Variants in ASTN1 observed in about 807,000 individuals in gnomAD.
ASTN1 encodes astrotactin 1.
ASTN1 carries 41 observed loss-of-function variants against 140.7 expected under a neutral mutation model. That is an observed-to-expected ratio of 0.29 (90% confidence interval 0.23 to 0.38). The LOEUF is 0.38. Among genes scored for constraint, ASTN1 ranks in the 10% least tolerant of loss-of-function variants. The pLI, the probability that ASTN1 is intolerant of heterozygous loss-of-function variation, is 1.00. For synonymous variants in ASTN1, 640 were observed against 652.2 expected (o/e 0.98, Z 0.29); for missense variants, 1,479 against 1,678.8 (o/e 0.88, Z 2.08).
Position 176,993,731 on chromosome 1 carries a change from A to G in ASTN1, c.1523+21060T>C, listed in dbSNP as rs1182521961. Reference sequence around the variant, plus strand: ...TATGGGGTAATTTCAGGACTATTCTATTTTCTTCTACTATGTATATCTAAA... The same window carrying G: ...TATGGGGTAATTTCAGGACTATTCTGTTTTCTTCTACTATGTATATCTAAA... On this transcript the variant is annotated intron_variant, in intron 8 of 22. Transcript: ENST00000361833. 3.3e-5 allele frequency among the ~76,000 whole-genome samples: 5 copies of G among 152,112 alleles called. No homozygotes were observed. The East Asian group carries it at 5.8e-4, about 18-fold the overall frequency.
chr1:176,897,927 C>T (rs1026767599), intron 16 of ASTN1, among the ~76,000 whole-genome samples: 4 of 152,156 alleles, frequency 2.6e-5, no homozygotes, highest in South Asian at 2.1e-4. Flanking sequence ...CCCCTCCTCT[C>T]ATTACTAAGC....
In ASTN1 at chr1:176,974,828, C is replaced by T. The variant is rs34742592; in HGVS notation, c.1524-9591G>A. Among the ~76,000 whole-genome samples the T allele has an allele frequency of 4.4e-3, 668 of 152,348 alleles. 3 individuals carry two copies. The highest frequency in any genetic ancestry group is 5.4e-3 in the Non-Finnish European group (366 of 68,030). On this transcript the variant is annotated intron_variant, in intron 8 of 22. Coordinates refer to ENST00000361833, the MANE Select transcript of ASTN1 (RefSeq NM_004319.3). ...CAATAAAGACAAATACACATATACA[C>T]ACATGTAAACATAAATGTAGTGTTC...
intron 2 of ASTN1, among the ~76,000 whole-genome samples, chr1:177,033,960 C>A (rs1028899537): frequency 6.6e-6 from 1 of 152,064 alleles, no homozygotes; most frequent in Non-Finnish European, 1.5e-5. Context: ...TTATTTTGGT[C>A]AATATCTTTC....
At chr1:177,119,613 C>T (rs911607997) in intron 1 of ASTN1, among the ~76,000 whole-genome samples, 4 of 152,162 alleles carry the variant, frequency 2.6e-5, no homozygotes, top group African/African-American at 9.7e-5. Context: ...TCTCAAACCT[C>T]TCATCCTTCA....
chr1:176,858,520 T>C (rs1350826989), downstream of ASTN1, among the ~76,000 whole-genome samples: 1 of 152,104 alleles, frequency 6.6e-6, no homozygotes, highest in Admixed American at 6.5e-5. Flanking sequence ...AAACAGAGAC[T>C]GGCACAAAAA....
In ASTN1 at chr1:176,861,293, T is replaced by C. The variant is rs1324265299; in HGVS notation, c.*2991A>G. 8.1e-6 allele frequency: 8 copies of C among 985,676 alleles called. No individual in the cohort carries two copies. The African/African-American group carries it at 1.4e-4, about 17-fold the overall frequency. 61.1% of individuals were successfully genotyped at this position (985,676 alleles called of 1,614,324 possible). ...AAAATAATGAACGGACCAAACTCCA[T>C]GGAAAACGATTGCACACTCAATTAA... On this transcript the variant is annotated 3_prime_UTR_variant, in exon 23 of 23. Transcript: ENST00000361833.
chr1:177,051,117 C>T (rs748132755), intron 2 of ASTN1, among the ~76,000 whole-genome samples: 3 of 152,188 alleles, frequency 2.0e-5, no homozygotes, highest in Non-Finnish European at 4.4e-5. Flanking sequence ...TTGTGAATAC[C>T]ACATGTCTTG....
intron 17 of ASTN1, among the ~76,000 whole-genome samples, chr1:176,891,858 A>C (rs904932080): frequency 3.3e-5 from 5 of 152,228 alleles, no homozygotes; most frequent in South Asian, 2.1e-4. Flanking sequence ...AATAAAAAAA[A>C]CAAAAAGATG....
At chr1:177,084,070 A>G (rs550611886) in intron 1 of ASTN1, among the ~76,000 whole-genome samples, 177 of 152,274 alleles carry the variant, frequency 1.2e-3, no homozygotes, top group African/African-American at 4.1e-3. Flanking sequence ...TCCTTATAAT[A>G]TCTGCAAATA....
chr1:176,868,718 A>C (rs1041159872), intron 22 of ASTN1, 126 bp downstream of exon 22: 4 of 1,037,364 alleles, frequency 3.9e-6, no homozygotes, highest in Non-Finnish European at 4.1e-6. Context: ...AAATCAGAGG[A>C]CTGACTTCTC....
intron 8 of ASTN1, among the ~76,000 whole-genome samples, chr1:176,997,188 A>G (rs1157830095): frequency 6.6e-6 from 1 of 152,122 alleles, no homozygotes; most frequent in Non-Finnish European, 1.5e-5. Context: ...AGGCACTCTC[A>G]CTTTCCATAA....
At chr1:176,965,373 A>C (rs766648404) in intron 8 of ASTN1, 136 bp from the exon 9 acceptor site, 18 of 698,188 alleles carry the variant, frequency 2.6e-5, no homozygotes, top group Non-Finnish European at 4.4e-5. Flanking sequence ...GAAGCTCACT[A>C]ATATGAGCTC....
At chr1:176,997,480 C>T (rs1323808004) in intron 8 of ASTN1, among the ~76,000 whole-genome samples, 4 of 152,026 alleles carry the variant, frequency 2.6e-5, no homozygotes, top group East Asian at 3.9e-4. Flanking sequence ...GTGTCTGACA[C>T]AGAGGATATC....
intron 8 of ASTN1, among the ~76,000 whole-genome samples, chr1:176,973,162 T>C (rs1673214332): frequency 1.3e-5 from 2 of 152,160 alleles, no homozygotes. Context: ...AACCCCTCCC[T>C]GGTCTCAATT....
chr1:177,005,013 A>G (rs541585490), intron 8 of ASTN1, among the ~76,000 whole-genome samples: 20 of 152,340 alleles, frequency 1.3e-4, no homozygotes, highest in African/African-American at 4.8e-4. Context: ...GCACAGCAAA[A>G]GAAACAACCA....
Position 176,862,708 on chromosome 1 carries a change from A to C in ASTN1, c.*1576T>G, listed in dbSNP as rs1668008094. The C allele has an allele frequency of 2.2e-6, 2 of 912,676 alleles. No homozygotes were observed. The highest frequency in any genetic ancestry group is 2.6e-6 in the Non-Finnish European group (2 of 763,802). The allele number at this position is 912,676 out of a possible 1,614,324, so 56.5% of individuals were successfully genotyped here. ...TTTGCCTCGTTTTCCTCAACACTAA[A>C]ATGGAGACAAGAATAGCACTTTCCT... is the stretch of plus-strand genomic sequence containing the variant. On this transcript the variant is annotated 3_prime_UTR_variant, in exon 23 of 23. Coordinates refer to ENST00000361833, the MANE Select transcript of ASTN1 (RefSeq NM_004319.3).
At chr1:176,976,305 T>C (rs554681304) in intron 8 of ASTN1, 1 of 152,208 alleles carries the variant, frequency 6.6e-6, no homozygotes, top group Admixed American at 6.5e-5. Flanking sequence ...CAAACACACA[T>C]GTCACAGCTG....
intron 1 of ASTN1, among the ~76,000 whole-genome samples, chr1:177,151,057 T>C (rs760168295): frequency 2.0e-5 from 3 of 152,044 alleles, no homozygotes; most frequent in South Asian, 2.1e-4. Flanking sequence ...AGAGGGGCAG[T>C]ACTAAGCACA....
intron 1 of ASTN1, among the ~76,000 whole-genome samples, chr1:177,155,250 G>T (rs1683190577): frequency 6.6e-6 from 1 of 152,160 alleles, no homozygotes; most frequent in Non-Finnish European, 1.5e-5. Flanking sequence ...ATTTTGTAGG[G>T]TGATCAAACT....
Sources: gnomAD v4.1 joint callset for allele counts (sites outside exome capture counted in the v4.1 genomes callset) on GRCh38, gnomAD v4.1.1 for gene constraint, MANE v1.5 for transcripts, NCBI Gene and HGNC (gene_info 2026-07-23, HGNC 2026-07-21) for gene names.